ZNF821: variants seen among roughly 807,000 people sequenced by gnomAD.
ZNF821 encodes zinc finger protein 821.
In ZNF821, 16 loss-of-function variants were observed where a neutral mutation model predicts 44.3. That is an observed-to-expected ratio of 0.36 (90% CI 0.24 to 0.55). ZNF821 has a LOEUF of 0.55. ZNF821 is among the 20% of genes least tolerant of loss of function. The probability of loss-of-function intolerance (pLI) is 0.86; values close to 1 mark genes in which losing one functional copy is unlikely to be tolerated. For synonymous variants in ZNF821, 204 were observed against 197.6 expected (o/e 1.03, Z -0.27); for missense variants, 436 against 547.6 (o/e 0.80, Z 2.03).
Position 71,860,217 on chromosome 16 carries a change from C to T in ZNF821, c.1040G>A (p.Arg347Gln). The change falls in exon 8 of 8, where the codon CGA becomes CAA. Residue 347 changes from arginine to glutamine, a missense_variant. Arg to Gln is a conservative substitution (Grantham distance 43). Coordinates refer to ENST00000425432, the MANE Select transcript of ZNF821 (RefSeq NM_001201552.2). This position sits in a 1 kb window ranked among gnomAD's most constrained non-coding sequence, Gnocchi z 7.3. ...CCTCCTCTTGAGCCGCTTGGCCTCT[C>T]GCTCTCGGATGAGCCGGGCCTGCCG... is the stretch of plus-strand genomic sequence containing the variant. ...EKRQARLIRE[R>Q]EAKRLKRRLE... 1.2e-6 allele frequency: 2 copies of T among 1,614,230 alleles called. No homozygotes were observed. Among genetic ancestry groups the T allele is most frequent in the Non-Finnish European group, 1.7e-6 (2 of 1,180,040 alleles).
chr16:71,893,181 C>G (rs1230418039), intron 1 of ZNF821, among the ~76,000 whole-genome samples: 1 of 151,184 alleles, frequency 6.6e-6, no homozygotes, highest in Non-Finnish European at 1.5e-5. Context: ...CCCGCCACAA[C>G]CCCCAGCTAA....
At chr16:71,877,876 C>T (rs144324873) in intron 3 of ZNF821, among the ~76,000 whole-genome samples, 3,809 of 149,474 alleles carry the variant, frequency 0.025, 161 homozygotes, top group African/African-American at 0.088. Context: ...GCTGAGATCA[C>T]GCCACTGCAC....
At chr16:71,868,706 A>G (rs2034831341) in intron 3 of ZNF821, among the ~76,000 whole-genome samples, 2 of 152,144 alleles carry the variant, frequency 1.3e-5, no homozygotes, top group South Asian at 4.1e-4. Flanking sequence ...ACACACTGCT[A>G]ATTTACAACA....
intron 3 of ZNF821, among the ~76,000 whole-genome samples, chr16:71,873,655 AT>A (rs1306634521): frequency 2.6e-5 from 4 of 151,636 alleles, no homozygotes; most frequent in East Asian, 3.9e-4. Context: ...TTTTTTAAAA[AT>A]ATATATATAT....
chr16:71,861,997 A>G, intron 6 of ZNF821, 55 bp from the exon 7 acceptor site: 1 of 1,587,362 alleles, frequency 6.3e-7, no homozygotes, highest in East Asian at 2.3e-5. Context: ...GACAATCTGC[A>G]CCCACTTAGA....
intron 1 of ZNF821, 94 bp downstream of exon 1, chr16:71,883,814 T>A (rs1484495753): frequency 1.3e-5 from 2 of 152,536 alleles, no homozygotes; most frequent in African/African-American, 2.4e-5. Context: ...CTCTCCCCAG[T>A]GCAGACAAAA....
intron 1 of ZNF821, among the ~76,000 whole-genome samples, chr16:71,893,114 C>CT (rs1302854211): frequency 1.4e-5 from 2 of 146,520 alleles, no homozygotes; most frequent in Non-Finnish European, 3.0e-5. Context: ...ACTGCAATCT[C>CT]TATCTCCTGG....
chr16:71,880,110 C>G, intron 2 of ZNF821, 87 bp from the exon 3 acceptor site: 2 of 575,534 alleles, frequency 3.5e-6, no homozygotes, highest in Non-Finnish European at 6.0e-6. Flanking sequence ...TAAAAAACAG[C>G]TCCTGAGCAT....
intron 4 of ZNF821, among the ~76,000 whole-genome samples, chr16:71,867,004 C>T (rs4538017): frequency 0.33 from 50,903 of 151,992 alleles, 9,168 homozygotes; most frequent in East Asian, 0.65. Context: ...CATCTCAAGA[C>T]GTGTTTGTTC....
chr16:71,894,716 T>TTTTTTC, intron 1 of ZNF821: 1 of 557,206 alleles, frequency 1.8e-6, no homozygotes, highest in Non-Finnish European at 3.1e-6. Flanking sequence ...TTTTTTTTTT[T>TTTTTTC]GTAGCGATGC....
chr16:71,864,212 G>T lies in ZNF821; in HGVS notation c.343C>A (p.Leu115Ile), dbSNP rs780967944. The change falls in exon 6 of 8, where the codon CTT becomes ATT. Residue 115 changes from leucine to isoleucine, a missense_variant. By Grantham distance (5) the Leu-to-Ile change is conservative. Coordinates refer to ENST00000425432, the MANE Select transcript of ZNF821 (RefSeq NM_001201552.2). ...VTGNLNSDPL[L>I]ELCQCPLCQL... is the part of the protein sequence containing the mutation. ...CAGAGGGGACACTGGCAGAGTTCAAGCAAGGGGTCAGAATTCAAATTCCCT... is the reference window on the plus strand; with the variant it reads ...CAGAGGGGACACTGGCAGAGTTCAATCAAGGGGTCAGAATTCAAATTCCCT... 6.2e-7 allele frequency: 1 copy of T among 1,614,220 alleles called. No individual in the cohort carries two copies. Among genetic ancestry groups the T allele is most frequent in the Admixed American group, 1.7e-5 (1 of 60,026 alleles).
At position 71,860,349 on chromosome 16, in the gene ZNF821, G is replaced by A. The variant is rs2033696336; in HGVS notation, c.908C>T (p.Ala303Val). ...REVRRMRDREAKRLQRMQETD... is the reference protein window; with the variant it reads ...REVRRMRDREVKRLQRMQETD... The stretch of plus-strand genomic sequence containing the variant: ...CTCCTGCATGCGCTGCAAGCGCTTG[G>A]CTTCACGGTCCCTCATGCGCCTCAC... Residue 303 changes from alanine to valine, a missense_variant, in exon 8 of 8, where the codon GCC becomes GTC. Transcript: ENST00000425432. The surrounding 1 kb of genome is among the most constrained non-coding windows in gnomAD (Gnocchi z 7.3). 6.2e-7 allele frequency: 1 copy of A among 1,611,586 alleles called. No individual in the cohort carries two copies. The highest frequency in any genetic ancestry group is 8.5e-7 in the Non-Finnish European group (1 of 1,180,018).
upstream of ZNF821, among the ~76,000 whole-genome samples, chr16:71,885,667 G>A (rs888704803): frequency 5.9e-5 from 9 of 152,124 alleles, no homozygotes; most frequent in Admixed American, 5.2e-4. Flanking sequence ...TGCATCTTGT[G>A]TTCAATGTAA....
At chr16:71,894,596 GT>G (rs2142506864) in intron 1 of ZNF821, 1 of 479,076 alleles carries the variant, frequency 2.1e-6, no homozygotes, top group African/African-American at 2.0e-5. Context: ...CGTGATCACG[GT>G]TTACTGCAGC....
chr16:71,891,784 C>T (rs1025564334), intron 1 of ZNF821, among the ~76,000 whole-genome samples: 2 of 151,836 alleles, frequency 1.3e-5, no homozygotes, highest in Non-Finnish European at 2.9e-5. Context: ...CTGAGGCGGG[C>T]GGATCATGAG....
chr16:71,861,129 C>T (rs2033831402), intron 7 of ZNF821, among the ~76,000 whole-genome samples: 1 of 152,214 alleles, frequency 6.6e-6, no homozygotes, highest in Non-Finnish European at 1.5e-5. Flanking sequence ...GCTGGGATTA[C>T]AGGCGTGAGC....
At chr16:71,883,337 G>A in intron 1 of ZNF821, 64 bp from the exon 2 acceptor site, 1 of 406,492 alleles carries the variant, frequency 2.5e-6, no homozygotes, top group African/African-American at 2.0e-5. Flanking sequence ...CCTGACCCCT[G>A]GGGTTGGGTC....
chr16:71,879,122 C>T (rs4788568), intron 3 of ZNF821, among the ~76,000 whole-genome samples: 71,913 of 151,852 alleles, frequency 0.47, 18,215 homozygotes, highest in East Asian at 0.92. Flanking sequence ...TAGTTCCCTA[C>T]GGACTATAGA....
chr16:71,878,722 G>T (rs918825796), intron 3 of ZNF821, among the ~76,000 whole-genome samples: 6 of 152,034 alleles, frequency 3.9e-5, no homozygotes, highest in Admixed American at 1.3e-4. Flanking sequence ...CTGAGGTCAG[G>T]AGTTCAAGGC....
Sources: gnomAD v4.1 joint callset for allele counts (sites outside exome capture counted in the v4.1 genomes callset) on GRCh38, gnomAD v4.1.1 for gene constraint, Gnocchi (gnomAD v3.1) non-coding constraint, MANE v1.5 for transcripts, NCBI Gene and HGNC (gene_info 2026-07-23, HGNC 2026-07-21) for gene names.